Variants in PKD1 observed in about 807,000 individuals in gnomAD.
The protein encoded by PKD1 is polycystin 1, transient receptor potential channel interacting.
A neutral mutation model predicts 361.7 loss-of-function variants in PKD1; 81 were observed. The observed-to-expected ratio is 0.22, with a 90% CI of 0.19 to 0.27. The LOEUF is 0.27. Among genes scored for constraint, PKD1 ranks in the 10% least tolerant of loss-of-function variants. The pLI, the probability that PKD1 is intolerant of heterozygous loss-of-function variation, is 1.00. For missense variants in PKD1, 6,399 were observed against 6,118.3 expected (o/e 1.05, Z -1.53); for synonymous variants, 3,615 against 2,818.3 (o/e 1.28, Z -8.95).
chr16:2,102,488 G>A lies in PKD1; in HGVS notation c.9094C>T (p.Pro3032Ser), dbSNP rs1420734834. ...TGGCGGGGCGAGGTCTCCTCCAGGG[G>A]CAGCAGCCCCTCTGTCCGCCACACC... is the stretch of plus-strand genomic sequence containing the variant. ...DMVWRTEGLL[P>S]LEETSPRQAV... The change falls in exon 25 of 46, where the codon CCC (proline) becomes TCC (serine). Residue 3032 changes from proline to serine, a missense_variant. By Grantham distance (74) the Pro-to-Ser change is moderately conservative. Transcript: ENST00000262304. 1.3e-6 allele frequency: 2 copies of A among 1,575,480 alleles called. No homozygotes were observed. The highest frequency in any genetic ancestry group is 2.3e-5 in the South Asian group (2 of 87,278).
Position 2,109,749 on chromosome 16 carries a change from G to A in PKD1, c.5418C>T (p.Ser1806=), listed in dbSNP as rs536088033. Residue 1806 remains serine, a synonymous_variant, in exon 15 of 46, where the codon AGC becomes AGT. Coordinates refer to ENST00000262304, the MANE Select transcript of PKD1 (RefSeq NM_001009944.3). ...VDVQVPVSGL[S]IRASEPGGSF... Reference sequence around the variant, plus strand: ...TGCCTCCGGGCTCGCTGGCCCTGATGCTGAGGCCACTCACAGGCACCTGCA... The same window carrying A: ...TGCCTCCGGGCTCGCTGGCCCTGATACTGAGGCCACTCACAGGCACCTGCA... 2.2e-5 allele frequency: 35 copies of A among 1,609,234 alleles called. 1 individual carries two copies. The East Asian group carries it at 7.1e-4, about 33-fold the overall frequency.
At chr16:2,093,293 G>A in intron 37 of PKD1, 200 bp from the exon 38 acceptor site, 1 of 703,218 alleles carries the variant, frequency 1.4e-6, no homozygotes. Flanking sequence ...AGACACACAG[G>A]CCACTGCAGT....
intron 16 of PKD1, chr16:2,107,354 C>A: frequency 2.7e-6 from 1 of 372,570 alleles, no homozygotes; most frequent in South Asian, 2.2e-5. Flanking sequence ...TGGGATGGAA[C>A]CTGCTCCCAC....
Position 2,089,904 on chromosome 16 carries a change from G to A in PKD1, c.12735C>T (p.Ser4245=). The A allele has an allele frequency of 1.9e-6, 3 of 1,611,654 alleles. No individual in the cohort carries two copies. Among genetic ancestry groups the A allele is most frequent in the East Asian group, 4.5e-5 (2 of 44,848 alleles). Reference sequence around the variant, plus strand: ...CCCGGCTGCTCCTGCGGCCTTGCAGGCTGTGCAGCTGCTGCTCCAGCTGGT... The same window carrying A: ...CCCGGCTGCTCCTGCGGCCTTGCAGACTGTGCAGCTGCTGCTCCAGCTGGT... ...DVYQLEQQLH[S]LQGRRSSRAP... The change falls in exon 46 of 46, where the codon AGC becomes AGT. Residue 4245 remains serine (S), a synonymous_variant. Transcript: ENST00000262304.
At chr16:2,099,175 G>A (rs1258087389) in intron 30 of PKD1, 3 of 339,838 alleles carry the variant, frequency 8.8e-6, no homozygotes, top group African/African-American at 4.3e-5. Flanking sequence ...ATGTTGCCCA[G>A]GCTGGTCTCA....
intron 1 of PKD1, among the ~76,000 whole-genome samples, chr16:2,132,638 G>C (rs1226833551): frequency 1.3e-5 from 2 of 150,302 alleles, no homozygotes; most frequent in Non-Finnish European, 3.0e-5. Context: ...GACCTTATTT[G>C]GCTCTTAATT....
At chr16:2,105,784 C>G in intron 20 of PKD1, 81 bp downstream of exon 20, 1 of 1,476,426 alleles carries the variant, frequency 6.8e-7, no homozygotes, top group Non-Finnish European at 9.3e-7. Context: ...GAGCCCTCTG[C>G]AAAGCTCCAG....
intron 1 of PKD1, among the ~76,000 whole-genome samples, chr16:2,132,718 G>A (rs555713199): frequency 6.6e-6 from 1 of 152,074 alleles, no homozygotes; most frequent in East Asian, 1.9e-4. Context: ...TGTTGTGTTA[G>A]GTGGGTCTGC....
At chr16:2,101,323 G>A (rs903114434) in intron 26 of PKD1, among the ~76,000 whole-genome samples, 1 of 151,118 alleles carries the variant, frequency 6.6e-6, no homozygotes, top group African/African-American at 2.5e-5. Flanking sequence ...AAAGAACTGG[G>A]CAATGAAGAG....
rs771126668 is a variant in PKD1, at chr16:2,097,281, G to A, written c.10405+38C>T. The A allele has an allele frequency of 3.7e-6, 6 of 1,609,164 alleles. No individual in the cohort carries two copies. In the South Asian group the frequency reaches 6.6e-5, roughly 18 times the overall value. On this transcript the variant is annotated intron_variant, in intron 33 of 45. Transcript: ENST00000262304. The stretch of plus-strand genomic sequence containing the variant: ...GGCATAGGGTGGGCCCAGCTGCAAG[G>A]GTGAGCTTCAGAGCCCCCTCCTCTC...
rs1348286032 is a variant in PKD1 at position 2,110,545 on chromosome 16, T to A, written c.4622A>T (p.Asn1541Ile). The A allele has an allele frequency of 1.5e-5, 24 of 1,611,550 alleles. No homozygotes were observed. The highest frequency in any genetic ancestry group is 1.8e-4 in the Middle Eastern group (1 of 5,564). ...CCGCACGCGCCGCTTCACCGTCACA[T>A]TGAGCCAGGCCTCGCTGCGGCTCAC... ...NEVSRSEAWL[N>I]VTVKRRVRGL... Residue 1541 changes from asparagine (N) to isoleucine (I), a missense_variant, in exon 15 of 46, where the codon AAT (asparagine) becomes ATT (isoleucine). Physicochemically the swap from Asn to Ile is moderately radical, Grantham distance 149. Coordinates refer to ENST00000262304, the MANE Select transcript of PKD1 (RefSeq NM_001009944.3).
In PKD1 at chr16:2,088,872, TGCGCGC is replaced by T. The variant is rs561630495; in HGVS notation, c.*849_*854del. The T allele has an allele frequency of 4.2e-5, 21 of 500,404 alleles. No homozygotes were observed. Among genetic ancestry groups the T allele is most frequent in the Admixed American group, 7.0e-5 (2 of 28,640 alleles). 31.0% of individuals were successfully genotyped at this position (500,404 alleles called of 1,614,324 possible). On this transcript the variant is annotated 3_prime_UTR_variant, in exon 46 of 46. Transcript: ENST00000262304. ...CTGGGCCATACAGCACACTCGCGCG[TGCGCGC>T]GCGCACACACACACACACACAGTCA...
Position 2,100,840 on chromosome 16 carries a change from G to A in PKD1, c.9398-274C>T. On this transcript the variant is annotated intron_variant, in intron 26 of 45. Transcript: ENST00000262304. This position sits in a 1 kb window ranked among gnomAD's most constrained non-coding sequence, Gnocchi z 4.4. The stretch of plus-strand genomic sequence containing the variant: ...CACGCCTCAGTCCACACCACAACCA[G>A]TGACCCGCACTGCACACCTGTCCAC... The A allele has an allele frequency of 3.8e-6, 2 of 521,416 alleles. No homozygotes were observed. Among genetic ancestry groups the A allele is most frequent in the East Asian group, 3.4e-5 (1 of 29,044 alleles). The allele number at this position is 521,416 out of a possible 1,614,324, so 32.3% of individuals were successfully genotyped here. A position where few individuals can be genotyped will look rare whatever the true frequency, so the allele number is the denominator to read the frequency against.
At position 2,111,048 on chromosome 16, in the gene PKD1, G is replaced by A. The variant is rs1270819549; in HGVS notation, c.4119C>T (p.Ser1373=). The A allele has an allele frequency of 9.9e-6, 16 of 1,610,582 alleles. No homozygotes were observed. The highest frequency in any genetic ancestry group is 2.2e-5 in the East Asian group (1 of 44,896). The stretch of plus-strand genomic sequence containing the variant: ...TGCCCACCTCTGGCTCCACGCAGAT[G>A]CTGGTGAAGTAATGCGCCCTGTTCA... The part of the protein sequence containing the change: ...SRVNRAHYFT[S]ICVEPEVGNV... The change falls in exon 15 of 46, where the codon AGC becomes AGT. Residue 1373 remains serine, a synonymous_variant. Coordinates refer to ENST00000262304, the MANE Select transcript of PKD1 (RefSeq NM_001009944.3).
rs2092640276 is a variant in PKD1 at position 2,116,562 on chromosome 16, C to G, written c.1689G>C (p.Gln563His). Residue 563 changes from glutamine (Q) to histidine (H), a missense_variant, in exon 8 of 46, where the codon CAG (glutamine) becomes CAC (histidine). Coordinates refer to ENST00000262304, the MANE Select transcript of PKD1 (RefSeq NM_001009944.3). ...LQGPLTPLAQ[Q>H]DGLSAPHEPV... Reference sequence around the variant, plus strand: ...GCTCGTGCGGGGCTGAGAGGCCGTCCTGCTGTGCCAGAGGCGTCAGGGGTC... The same window carrying G: ...GCTCGTGCGGGGCTGAGAGGCCGTCGTGCTGTGCCAGAGGCGTCAGGGGTC... 1 of 1,567,786 alleles carries G rather than the reference C, an allele frequency of 6.4e-7. No homozygotes were observed. The highest frequency in any genetic ancestry group is 8.6e-7 in the Non-Finnish European group (1 of 1,160,208).
At chr16:2,126,620 T>A (rs2092803323) in intron 1 of PKD1, among the ~76,000 whole-genome samples, 1 of 152,280 alleles carries the variant, frequency 6.6e-6, no homozygotes. Context: ...CCCGCAGACG[T>A]GCCCGGCCTC....
chr16:2,089,574 G>T lies in PKD1; in HGVS notation c.*153C>A. The T allele has an allele frequency of 1.0e-6, 1 of 966,824 alleles. No individual in the cohort carries two copies. Among genetic ancestry groups the T allele is most frequent in the Non-Finnish European group, 1.5e-6 (1 of 648,726 alleles). 59.9% of individuals were successfully genotyped at this position (966,824 alleles called of 1,614,324 possible). On this transcript the variant is annotated 3_prime_UTR_variant, in exon 46 of 46. Coordinates refer to ENST00000262304, the MANE Select transcript of PKD1 (RefSeq NM_001009944.3). Reference sequence around the variant, plus strand: ...GTTGGCCACACAGCCTCTTTAAAGTGCTGAAGCCCACAGACAGACAGATGC... The same window carrying T: ...GTTGGCCACACAGCCTCTTTAAAGTTCTGAAGCCCACAGACAGACAGATGC...
chr16:2,098,366 G>A (rs1466300400), intron 30 of PKD1, among the ~76,000 whole-genome samples: 1 of 151,984 alleles, frequency 6.6e-6, no homozygotes, highest in African/African-American at 2.4e-5. Flanking sequence ...CTGCCACCAT[G>A]CCCAGCTAAT....
rs369298152 is a variant in PKD1, at chr16:2,097,344, C to A, written c.10380G>T (p.Ser3460=). The part of the protein sequence containing the change: ...EDGFSLASPY[S]PAKSFSASDE... ...CTGATGCTGAGAAGGATTTGGCAGGCGAGTAGGGGCTGGCCAGGGAGAAGC... is the reference window on the plus strand; with the variant it reads ...CTGATGCTGAGAAGGATTTGGCAGGAGAGTAGGGGCTGGCCAGGGAGAAGC... The change falls in exon 33 of 46, where the codon TCG becomes TCT. Residue 3460 remains serine, a synonymous_variant. Coordinates refer to ENST00000262304, the MANE Select transcript of PKD1 (RefSeq NM_001009944.3). 13 of 1,612,498 alleles carry A rather than the reference C, an allele frequency of 8.1e-6. No individual in the cohort carries two copies. The highest frequency in any genetic ancestry group is 1.1e-5 in the Non-Finnish European group (13 of 1,179,984).
Sources: gnomAD v4.1 joint callset for allele counts (sites outside exome capture counted in the v4.1 genomes callset) on GRCh38, gnomAD v4.1.1 for gene constraint, Gnocchi (gnomAD v3.1) non-coding constraint, MANE v1.5 for transcripts, NCBI Gene and HGNC (gene_info 2026-07-23, HGNC 2026-07-21) for gene names.